CUEDC1: variants seen among roughly 807,000 people sequenced by gnomAD.
The protein encoded by CUEDC1 is CUE domain containing 1.
Under a neutral mutation model 43.7 loss-of-function variants are expected in CUEDC1, and 30 were observed. The ratio of observed to expected loss-of-function variants is 0.69; its 90% CI spans 0.51 to 0.93. The LOEUF is 0.93. Ranked by LOEUF, CUEDC1 falls within the 40% of genes least tolerant of loss-of-function variation. The probability of loss-of-function intolerance (pLI) is 0.00; values close to 1 mark genes in which losing one functional copy is unlikely to be tolerated. For missense variants in CUEDC1, 486 were observed against 549.0 expected, an observed-to-expected ratio of 0.89 and a Z score of 1.15; for synonymous variants, 223 against 223.6, an observed-to-expected ratio of 1.00 and a Z score of 0.02.
In CUEDC1 at chr17:57,863,227, T is replaced by C. The variant is rs1471139816; in HGVS notation, c.*62A>G. On this transcript the variant is annotated 3_prime_UTR_variant, in exon 11 of 11. Coordinates refer to ENST00000577830, the MANE Select transcript of CUEDC1 (RefSeq NM_001271875.2). ...GGGCCCTTCAGCTGGGGGCCAGTGT[T>C]GCTTTCCAGCTGCCCCCACCGGGTC... 6.6e-6 allele frequency: 1 copy of C among 152,604 alleles called. No individual in the cohort carries two copies. Among genetic ancestry groups the C allele is most frequent in the Non-Finnish European group, 1.5e-5 (1 of 68,040 alleles). The allele number at this position is 152,604 out of a possible 1,614,324, so 9.5% of individuals were successfully genotyped here.
At chr17:57,883,572 A>T (rs954509864) in intron 2 of CUEDC1, among the ~76,000 whole-genome samples, 18 of 152,170 alleles carry the variant, frequency 1.2e-4, no homozygotes, top group African/African-American at 4.1e-4. Flanking sequence ...AAAACTACAA[A>T]ATTAGCCGGT....
chr17:57,949,880 G>C (rs796986874), intron 1 of CUEDC1, among the ~76,000 whole-genome samples: 6 of 152,184 alleles, frequency 3.9e-5, no homozygotes, highest in African/African-American at 1.4e-4. Context: ...GTTTCTCTAA[G>C]GGTGTGGGCC....
chr17:57,887,612 C>G lies in CUEDC1; in HGVS notation c.-315-1733G>C, dbSNP rs1192309105. Among the ~76,000 whole-genome samples the G allele has an allele frequency of 6.1e-5, 9 of 146,606 alleles. No individual in the cohort carries two copies. In the East Asian group the frequency reaches 1.8e-3, roughly 30 times the overall value. On this transcript the variant is annotated intron_variant, in intron 1 of 10. Coordinates refer to ENST00000577830, the MANE Select transcript of CUEDC1 (RefSeq NM_001271875.2). ...GTTCAAGCAGTTCTCCTGCCTCAGC[C>G]TCTCGAGTAGCTGGGACTACAGGTA...
At chr17:57,922,777 T>C (rs986193036) in intron 1 of CUEDC1, among the ~76,000 whole-genome samples, 5 of 152,180 alleles carry the variant, frequency 3.3e-5, no homozygotes, top group Middle Eastern at 6.4e-3. Context: ...ATTACCATCA[T>C]GATCGCTGTC....
chr17:57,869,141 C>T lies in CUEDC1; in HGVS notation c.921G>A (p.Lys307=). The change falls in exon 7 of 11, where the codon AAG becomes AAA. Residue 307 remains lysine, a synonymous_variant. Transcript: ENST00000577830. The stretch of plus-strand genomic sequence containing the variant: ...ACTCACACTTTCCCATGTGTTTCAG[C>T]TTGTCCCTGAATAAGGCATCTTCAG... ...AVSEDALFRD[K]LKHMGKSTRR... is the part of the protein sequence containing the mutation. The T allele has an allele frequency of 1.2e-6, 2 of 1,614,076 alleles. No individual in the cohort carries two copies. Among genetic ancestry groups the T allele is most frequent in the Non-Finnish European group, 1.7e-6 (2 of 1,179,986 alleles).
At chr17:57,933,599 G>A (rs8074980) in intron 1 of CUEDC1, among the ~76,000 whole-genome samples, 23,487 of 152,192 alleles carry the variant, frequency 0.15, 1,958 homozygotes, top group African/African-American at 0.18. Context: ...GCCTTGGAAC[G>A]AGACTGCTCT....
intron 1 of CUEDC1, among the ~76,000 whole-genome samples, chr17:57,941,639 A>C (rs1312158240): frequency 6.6e-6 from 1 of 152,254 alleles, no homozygotes; most frequent in African/African-American, 2.4e-5. Context: ...TCACAGTAAA[A>C]GGTTAAAACC....
intron 1 of CUEDC1, among the ~76,000 whole-genome samples, chr17:57,941,386 G>T (rs1254429138): frequency 6.6e-6 from 1 of 152,178 alleles, no homozygotes; most frequent in Non-Finnish European, 1.5e-5. Context: ...GGTAGACAGG[G>T]TTGCCATATA....
At chr17:57,886,817 G>GTTTTTTTTTTTT (rs777598269) in intron 1 of CUEDC1, among the ~76,000 whole-genome samples, 1 of 118,502 alleles carries the variant, frequency 8.4e-6, no homozygotes, top group Non-Finnish European at 1.7e-5. Context: ...AATTCTGGTT[G>GTTTTTTTTTTTT]TTTTTTTTTT....
At chr17:57,887,116 C>G (rs192647960) in intron 1 of CUEDC1, among the ~76,000 whole-genome samples, 1 of 152,082 alleles carries the variant, frequency 6.6e-6, no homozygotes, top group Non-Finnish European at 1.5e-5. Context: ...CCACCGTGCC[C>G]GGCCATAAAT....
intron 1 of CUEDC1, among the ~76,000 whole-genome samples, chr17:57,920,894 C>T (rs1045600761): frequency 1.3e-5 from 2 of 151,142 alleles, no homozygotes; most frequent in Non-Finnish European, 3.0e-5. Flanking sequence ...GCTTCATCCT[C>T]CCAAAGTGTT....
intron 1 of CUEDC1, among the ~76,000 whole-genome samples, chr17:57,952,613 T>A (rs1470072143): frequency 6.6e-6 from 1 of 152,148 alleles, no homozygotes; most frequent in Non-Finnish European, 1.5e-5. Flanking sequence ...CCTTGGATAG[T>A]CAGAGGTGAC....
chr17:57,914,270 A>G (rs2074614783), intron 1 of CUEDC1, among the ~76,000 whole-genome samples: 1 of 152,240 alleles, frequency 6.6e-6, no homozygotes, highest in Non-Finnish European at 1.5e-5. Flanking sequence ...AAATACTTGT[A>G]TTAGCATGTC....
At position 57,869,103 on chromosome 17, in the gene CUEDC1, G is replaced by A. The variant is rs1356441650; in HGVS notation, c.940+19C>T. On this transcript the variant is annotated intron_variant, in intron 7 of 10. Coordinates refer to ENST00000577830, the MANE Select transcript of CUEDC1 (RefSeq NM_001271875.2). ...CTCAGAAAAGCTGGGGAGGGAAGCG[G>A]GGCCTGAGTGGGACTCACACTTTCC... 6.2e-7 allele frequency: 1 copy of A among 1,612,938 alleles called. No homozygotes were observed. The highest frequency in any genetic ancestry group is 1.7e-5 in the Admixed American group (1 of 59,944).
intron 1 of CUEDC1, among the ~76,000 whole-genome samples, chr17:57,934,209 T>C (rs1456348956): frequency 6.6e-6 from 1 of 152,042 alleles, no homozygotes; most frequent in Non-Finnish European, 1.5e-5. Flanking sequence ...CTGGCTAGTA[T>C]GGTGAAAGCC....
At chr17:57,898,185 G>A (rs902576518) in intron 1 of CUEDC1, among the ~76,000 whole-genome samples, 1 of 152,158 alleles carries the variant, frequency 6.6e-6, no homozygotes, top group African/African-American at 2.4e-5. Flanking sequence ...TCCAACCTTG[G>A]TCAGGGACTC....
chr17:57,890,129 T>C (rs1021012331), intron 1 of CUEDC1, among the ~76,000 whole-genome samples: 5 of 152,166 alleles, frequency 3.3e-5, no homozygotes, highest in African/African-American at 7.2e-5. Context: ...GTTGGGTAAA[T>C]TGCCCAAAGT....
At chr17:57,953,071 C>A (rs1290872875) in intron 1 of CUEDC1, among the ~76,000 whole-genome samples, 4 of 152,158 alleles carry the variant, frequency 2.6e-5, no homozygotes, top group Non-Finnish European at 4.4e-5. Flanking sequence ...CAGATCATAG[C>A]CTTGGACAAT....
chr17:57,883,885 CCT>C (rs1279103144), intron 2 of CUEDC1, among the ~76,000 whole-genome samples: 1 of 152,156 alleles, frequency 6.6e-6, no homozygotes, highest in Non-Finnish European at 1.5e-5. Flanking sequence ...GGACAACACC[CCT>C]CTGATTAACA....
Sources: allele counts gnomAD v4.1 joint callset (sites outside exome capture counted in the v4.1 genomes callset), GRCh38; gene constraint gnomAD v4.1.1; transcripts MANE v1.5; gene names NCBI Gene and HGNC (gene_info 2026-07-23, HGNC 2026-07-21).